The following SLC25A14 variants were observed in gnomAD, a reference collection of about 807,000 sequenced individuals.
SLC25A14 encodes the protein brain mitochondrial carrier protein 1.
A neutral mutation model predicts 28.1 loss-of-function variants in SLC25A14; 8 were observed. The observed-to-expected ratio is 0.28, with a 90% CI of 0.17 to 0.51. SLC25A14 has a LOEUF of 0.51. Ranked by LOEUF, SLC25A14 falls within the 20% of genes least tolerant of loss-of-function variation. The probability of loss-of-function intolerance (pLI) is 0.97; values close to 1 mark genes in which losing one functional copy is unlikely to be tolerated. For missense variants in SLC25A14, 135 were observed against 263.8 expected, an observed-to-expected ratio of 0.51 and a Z score of 3.38; for synonymous variants, 74 against 90.6, an observed-to-expected ratio of 0.82 and a Z score of 1.04.
chrX:130,372,946 T>C lies in SLC25A14; in HGVS notation c.974T>C (p.Ile325Thr). The C allele has an allele frequency of 8.5e-7, 1 of 1,182,514 alleles. No individual in the cohort carries two copies. Among genetic ancestry groups the C allele is most frequent in the Non-Finnish European group, 1.1e-6 (1 of 871,551 alleles). Reference protein sequence around the residue: ...ITYEQLKRLQI With the variant: ...ITYEQLKRLQT ...TACGAGCAGCTAAAGAGGCTTCAAATCTAAGAACTGAATTATATGTGAGCC... is the reference window on the plus strand; with the variant it reads ...TACGAGCAGCTAAAGAGGCTTCAAACCTAAGAACTGAATTATATGTGAGCC... The change falls in exon 11 of 11, where the codon ATC (isoleucine) becomes ACC (threonine). Residue 325 changes from isoleucine (I) to threonine (T), a missense_variant. Coordinates refer to ENST00000545805, the MANE Select transcript of SLC25A14 (RefSeq NM_001282195.2).
chrX:130,362,793 G>A (rs1008229748), intron 7 of SLC25A14, among the ~76,000 whole-genome samples: 1 of 112,127 alleles, frequency 8.9e-6, no homozygotes, highest in Non-Finnish European at 1.9e-5. Context: ...TAGGAGCATC[G>A]TGCTAGTGAG....
rs1408182165 is a variant in SLC25A14, at chrX:130,346,668, A to G, written c.294A>G (p.Glu98=). The change falls in exon 4 of 11, where the codon GAA becomes GAG. Residue 98 remains glutamate, a synonymous_variant. Transcript: ENST00000545805. ...FHALFRICKE[E]GVLALYSGIA... ...CGCTGTTTCGCATCTGTAAAGAGGAAGGTGTATTGGCTCTCTATTCAGGGT... is the reference window on the plus strand; with the variant it reads ...CGCTGTTTCGCATCTGTAAAGAGGAGGGTGTATTGGCTCTCTATTCAGGGT... 1 of 1,208,714 alleles carries G rather than the reference A, an allele frequency of 8.3e-7. No individual in the cohort carries two copies. The highest frequency in any genetic ancestry group is 3.0e-5 in the East Asian group (1 of 33,819).
rs1374649826 is a variant in SLC25A14 at position 130,371,575 on chromosome X, T to C, written c.867T>C (p.His289=). ...TVDGILKMWK[H]EGFFALYKGF... ...TATCTTTCCTGCAGATGTGGAAACA[T>C]GAGGGCTTTTTTGCACTCTATAAAG... The change falls in exon 10 of 11, where the codon CAT becomes CAC. Residue 289 remains histidine, a synonymous_variant. Transcript: ENST00000545805. The C allele has an allele frequency of 3.3e-6, 4 of 1,203,887 alleles. No homozygotes were observed. Among genetic ancestry groups the C allele is most frequent in the South Asian group, 1.8e-5 (1 of 56,533 alleles).
At chrX:130,367,537 A>G (rs1355982548) in intron 9 of SLC25A14, among the ~76,000 whole-genome samples, 1 of 112,002 alleles carries the variant, frequency 8.9e-6, no homozygotes, top group African/African-American at 3.2e-5. Context: ...ATAAAAGCCC[A>G]TGGAGTCATT....
chrX:130,346,681 C>T lies in SLC25A14; in HGVS notation c.307C>T (p.Leu103Phe). Residue 103 changes from leucine (L) to phenylalanine (F), a missense_variant, in exon 4 of 11, where the codon CTC (leucine) becomes TTC (phenylalanine). Coordinates refer to ENST00000545805, the MANE Select transcript of SLC25A14 (RefSeq NM_001282195.2). The part of the protein sequence containing the change: ...RICKEEGVLA[L>F]YSGIAPALLR... The stretch of plus-strand genomic sequence containing the variant: ...CTGTAAAGAGGAAGGTGTATTGGCT[C>T]TCTATTCAGGGTGAGACTGGTTCTT... 8.3e-7 allele frequency: 1 copy of T among 1,205,959 alleles called. No individual in the cohort carries two copies. Among genetic ancestry groups the T allele is most frequent in the African/African-American group, 1.7e-5 (1 of 57,725 alleles).
chrX:130,340,421 C>T, intron 2 of SLC25A14, 68 bp downstream of exon 2: 2 of 1,127,689 alleles, frequency 1.8e-6, no homozygotes, highest in Non-Finnish European at 2.4e-6. Flanking sequence ...TCGGTTTCTA[C>T]CCCCTGTCAC....
intron 5 of SLC25A14, 182 bp downstream of exon 5, chrX:130,349,527 C>T (rs2033560727): frequency 3.6e-6 from 1 of 276,066 alleles, no homozygotes; most frequent in South Asian, 1.7e-4. Flanking sequence ...GAGACCTGTT[C>T]TTCAAATTTG....
intron 9 of SLC25A14, among the ~76,000 whole-genome samples, chrX:130,369,688 T>C (rs5932751): frequency 0.45 from 50,072 of 110,101 alleles, 8,406 homozygotes; most frequent in African/African-American, 0.54. Context: ...AAAGAGGGAA[T>C]AGGTTACTGA....
chrX:130,363,356 C>T (rs1007834946), intron 7 of SLC25A14, among the ~76,000 whole-genome samples: 7 of 112,355 alleles, frequency 6.2e-5, no homozygotes, highest in Non-Finnish European at 1.3e-4. Context: ...AAGGTTTATC[C>T]ATGTTGCAGC....
At chrX:130,372,113 G>C (rs1397122374) in intron 10 of SLC25A14, among the ~76,000 whole-genome samples, 1 of 112,315 alleles carries the variant, frequency 8.9e-6, no homozygotes, top group Non-Finnish European at 1.9e-5. Flanking sequence ...TGCCTCCTAA[G>C]TGCAGAGCCA....
Position 130,360,464 on chromosome X carries a change from G to A in SLC25A14, c.594+1729G>A, listed in dbSNP as rs181336501. 2.6e-3 allele frequency among the ~76,000 whole-genome samples: 285 copies of A among 111,056 alleles called. 1 individual carries two copies. Among genetic ancestry groups the A allele is most frequent in the Non-Finnish European group, 3.5e-3 (184 of 53,009 alleles). On this transcript the variant is annotated intron_variant, in intron 7 of 10. Coordinates refer to ENST00000545805, the MANE Select transcript of SLC25A14 (RefSeq NM_001282195.2). The stretch of plus-strand genomic sequence containing the variant: ...GGTAAGATGACGTCCACCAGATCTC[G>A]CCATTGTAAAACATAAGTTTTTTCC...
intron 7 of SLC25A14, among the ~76,000 whole-genome samples, chrX:130,362,973 T>C (rs1446397294): frequency 8.9e-6 from 1 of 112,694 alleles, no homozygotes; most frequent in Non-Finnish European, 1.9e-5. Context: ...CCACTGATTT[T>C]TGCTTCATGA....
intron 2 of SLC25A14, among the ~76,000 whole-genome samples, chrX:130,342,994 C>A (rs142443928): frequency 8.9e-4 from 99 of 111,347 alleles, no homozygotes; most frequent in Admixed American, 5.5e-3. Flanking sequence ...TTTCATCTTC[C>A]TGCCATGTCC....
chrX:130,354,971 T>A (rs754552137), intron 6 of SLC25A14, among the ~76,000 whole-genome samples: 3 of 112,163 alleles, frequency 2.7e-5, no homozygotes, highest in Non-Finnish European at 5.6e-5. Context: ...TTGTCAAAAA[T>A]AAAGTCAGGA....
chrX:130,369,087 G>A (rs188806329), intron 9 of SLC25A14, among the ~76,000 whole-genome samples: 2 of 111,985 alleles, frequency 1.8e-5, no homozygotes, highest in Admixed American at 9.5e-5. Flanking sequence ...GCCAAAAGAT[G>A]CCTCCCAGTT....
At chrX:130,361,298 G>T (rs201359755) in intron 7 of SLC25A14, among the ~76,000 whole-genome samples, 1 of 112,038 alleles carries the variant, frequency 8.9e-6, no homozygotes, top group East Asian at 2.8e-4. Context: ...TTATATAGCC[G>T]AAAGTGGAAT....
intron 7 of SLC25A14, among the ~76,000 whole-genome samples, chrX:130,360,204 T>C (rs2033927680): frequency 1.8e-5 from 2 of 110,424 alleles, no homozygotes; most frequent in East Asian, 5.6e-4. Flanking sequence ...CTAGTTTTCT[T>C]ATAAAGTGTT....
intron 2 of SLC25A14, among the ~76,000 whole-genome samples, chrX:130,343,167 G>A (rs956268061): frequency 1.2e-4 from 13 of 112,261 alleles, no homozygotes; most frequent in Non-Finnish European, 2.3e-4. Context: ...ACAACTTTAA[G>A]TAAAAGTAGC....
At chrX:130,367,346 G>C (rs2034144200) in intron 9 of SLC25A14, among the ~76,000 whole-genome samples, 1 of 111,831 alleles carries the variant, frequency 8.9e-6, no homozygotes. Context: ...TCAAAGATAA[G>C]TTCTGGGTTT....
Sources: allele counts gnomAD v4.1 joint callset (sites outside exome capture counted in the v4.1 genomes callset), GRCh38; gene constraint gnomAD v4.1.1; transcripts MANE v1.5; gene names NCBI Gene and HGNC (gene_info 2026-07-23, HGNC 2026-07-21).